FBN1: variants seen among roughly 807,000 people sequenced by gnomAD.
FBN1 encodes the protein fibrillin 1, also known as fibrillin-1.
FBN1 carries 29 observed loss-of-function variants against 365.1 expected under a neutral mutation model. The ratio of observed to expected loss-of-function variants is 0.08; its 90% CI spans 0.06 to 0.11. The LOEUF (loss-of-function observed/expected upper bound fraction) is 0.11, where lower values mean the gene tolerates loss of function less well. Among genes scored for constraint, FBN1 ranks in the 10% least tolerant of loss-of-function variants. The pLI is 1.00. For synonymous variants in FBN1, 1,210 were observed against 1,270.5 expected, an observed-to-expected ratio of 0.95 and a Z score of 1.01; for missense variants, 2,476 against 3,703.2, an observed-to-expected ratio of 0.67 and a Z score of 8.60.
chr15:48,598,311 A>G (rs1463972362), intron 5 of FBN1, among the ~76,000 whole-genome samples: 3 of 152,156 alleles, frequency 2.0e-5, no homozygotes, highest in African/African-American at 7.2e-5. Context: ...TAATACAAAG[A>G]GTTGTTGTCA....
chr15:48,621,655 T>G (rs890594166), intron 2 of FBN1, among the ~76,000 whole-genome samples: 2 of 152,058 alleles, frequency 1.3e-5, no homozygotes, highest in African/African-American at 4.8e-5. Flanking sequence ...CTCAGAACAT[T>G]TGAATAAGGA....
chr15:48,475,523 T>C (rs1468906349), intron 32 of FBN1, among the ~76,000 whole-genome samples: 1 of 152,116 alleles, frequency 6.6e-6, no homozygotes, highest in Non-Finnish European at 1.5e-5. Flanking sequence ...CTATAATGGG[T>C]TACCCTCATA....
chr15:48,569,984 G>C (rs1314031677), intron 6 of FBN1, among the ~76,000 whole-genome samples: 1 of 146,814 alleles, frequency 6.8e-6, no homozygotes, highest in South Asian at 2.1e-4. Flanking sequence ...ATGCTTTTTT[G>C]AAAAAAAAAA....
At chr15:48,460,213 C>A (rs1458677515) in intron 43 of FBN1, 33 bp downstream of exon 43, 5 of 1,572,164 alleles carry the variant, frequency 3.2e-6, no homozygotes, top group Admixed American at 1.7e-5. Flanking sequence ...AGGCAAAAAA[C>A]CAGAAAGTTC....
intron 14 of FBN1, among the ~76,000 whole-genome samples, chr15:48,509,718 T>C (rs1420770029): frequency 2.0e-5 from 3 of 151,802 alleles, no homozygotes; most frequent in African/African-American, 4.8e-5. Flanking sequence ...GGCTAGATAA[T>C]ACACAGACTT....
intron 6 of FBN1, among the ~76,000 whole-genome samples, chr15:48,540,784 G>A (rs1011157394): frequency 1.3e-5 from 2 of 152,150 alleles, no homozygotes; most frequent in Non-Finnish European, 2.9e-5. Context: ...TGAGACAAGT[G>A]CAAATGCTTT....
intron 6 of FBN1, among the ~76,000 whole-genome samples, chr15:48,569,716 T>G (rs1233828161): frequency 3.9e-5 from 6 of 152,104 alleles, no homozygotes; most frequent in Non-Finnish European, 8.8e-5. Context: ...GTTATAAGAT[T>G]CTATTTATTT....
At chr15:48,554,022 A>G (rs2044161983) in intron 6 of FBN1, among the ~76,000 whole-genome samples, 3 of 152,242 alleles carry the variant, frequency 2.0e-5, no homozygotes, top group Admixed American at 2.0e-4. Flanking sequence ...AGTAAAGTTA[A>G]GAAATTTGCC....
Position 48,472,695 on chromosome 15 carries a change from A to T in FBN1, c.4211-19T>A. 1 of 1,614,150 alleles carries T rather than the reference A, an allele frequency of 6.2e-7. No homozygotes were observed. The highest frequency in any genetic ancestry group is 8.5e-7 in the Non-Finnish European group (1 of 1,180,004). ...TCAAGGTCTACAGCCAGAAAGAAAC[A>T]CACGTTACTCTTCCTCGGTTAGGGG... On this transcript the variant is annotated intron_variant, in intron 34 of 65. Transcript: ENST00000316623.
chr15:48,591,335 T>C (rs890480693), intron 6 of FBN1, among the ~76,000 whole-genome samples: 2 of 152,164 alleles, frequency 1.3e-5, no homozygotes, highest in African/African-American at 4.8e-5. Flanking sequence ...TTGAATGTAT[T>C]GCTGATTCTG....
chr15:48,443,585 G>A (rs1031272582), intron 49 of FBN1, among the ~76,000 whole-genome samples: 3 of 152,006 alleles, frequency 2.0e-5, no homozygotes, highest in African/African-American at 7.2e-5. Context: ...TACTTAAATT[G>A]GATATATAAT....
chr15:48,492,562 G>A lies in FBN1; in HGVS notation c.2753C>T (p.Pro918Leu). The A allele has an allele frequency of 1.2e-6, 2 of 1,607,308 alleles. No individual in the cohort carries two copies. Among genetic ancestry groups the A allele is most frequent in the Non-Finnish European group, 1.7e-6 (2 of 1,174,448 alleles). ...CEDIDECEVF[P>L]GVCKNGLCVN... ...ACACAGGCCATTTTTACACACTCCT[G>A]GGAACACTTCACATTCATCTATATC... The change falls in exon 24 of 66, where the codon CCA becomes CTA. Residue 918 changes from proline (P) to leucine (L), a missense_variant. By Grantham distance (98) the Pro-to-Leu change is moderately conservative. Coordinates refer to ENST00000316623, the MANE Select transcript of FBN1 (RefSeq NM_000138.5).
intron 2 of FBN1, among the ~76,000 whole-genome samples, chr15:48,636,183 G>C (rs1443467121): frequency 1.3e-4 from 20 of 152,170 alleles, no homozygotes. Context: ...TCCAGGCTAA[G>C]TTTGAAGAAA....
chr15:48,420,802 C>A lies in FBN1; in HGVS notation c.7704G>T (p.Val2568=), dbSNP rs1316615251. The change falls in exon 63 of 66, where the codon GTG becomes GTT. Residue 2568 remains valine (V), a synonymous_variant. Transcript: ENST00000316623. Reference sequence around the variant, plus strand: ...AGCGGTGGTTACCCTCACACTCGTCCACGTCTGAAAAAGAAGCAGAGCCAC... The same window carrying A: ...AGCGGTGGTTACCCTCACACTCGTCAACGTCTGAAAAAGAAGCAGAGCCAC... ...LDQTGSSCED[V]DECEGNHRCQ... 1 of 1,613,828 alleles carries A rather than the reference C, an allele frequency of 6.2e-7. No homozygotes were observed. The highest frequency in any genetic ancestry group is 8.5e-7 in the Non-Finnish European group (1 of 1,179,964).
Position 48,497,342 on chromosome 15 carries a change from A to G in FBN1, c.2217T>C (p.Cys739=), listed in dbSNP as rs1008275504. 4 of 1,613,982 alleles carry G rather than the reference A, an allele frequency of 2.5e-6. No individual in the cohort carries two copies. The highest frequency in any genetic ancestry group is 3.4e-6 in the Non-Finnish European group (4 of 1,179,862). The part of the protein sequence containing the change: ...LDPDICPNGI[C]ENLRGTYKCI... ...ATTTATAGGTCCCACGAAGGTTTTCACAGATTCCATTTGGGCAAATATCAG... is the reference window on the plus strand; with the variant it reads ...ATTTATAGGTCCCACGAAGGTTTTCGCAGATTCCATTTGGGCAAATATCAG... The change falls in exon 19 of 66, where the codon TGT becomes TGC. Residue 739 remains cysteine (C), a synonymous_variant. Transcript: ENST00000316623.
chr15:48,548,018 C>T (rs561340769), intron 6 of FBN1, among the ~76,000 whole-genome samples: 3 of 152,238 alleles, frequency 2.0e-5, no homozygotes, highest in East Asian at 3.9e-4. Context: ...AGCACCAAAA[C>T]CCGATTATGT....
At chr15:48,524,121 G>A (rs538519179) in intron 9 of FBN1, among the ~76,000 whole-genome samples, 2 of 152,168 alleles carry the variant, frequency 1.3e-5, no homozygotes, top group African/African-American at 4.8e-5. Context: ...CCTAGGAGTC[G>A]AAGAGAGAGA....
At chr15:48,536,091 A>G (rs1049957074) in intron 7 of FBN1, among the ~76,000 whole-genome samples, 7 of 152,080 alleles carry the variant, frequency 4.6e-5, no homozygotes. Flanking sequence ...CAAGAGCCAC[A>G]ACCTGGTGGC....
At chr15:48,548,676 G>C (rs543395343) in intron 6 of FBN1, among the ~76,000 whole-genome samples, 1 of 152,316 alleles carries the variant, frequency 6.6e-6, no homozygotes, top group East Asian at 1.9e-4. Context: ...ATCTAAGGCA[G>C]CTAGTTAGAT....
Sources: gnomAD v4.1 joint callset for allele counts (sites outside exome capture counted in the v4.1 genomes callset) on GRCh38, gnomAD v4.1.1 for gene constraint, MANE v1.5 for transcripts, NCBI Gene and HGNC (gene_info 2026-07-23, HGNC 2026-07-21) for gene names.